The following EIPR1 variants were observed in gnomAD, a reference collection of about 807,000 sequenced individuals.
EIPR1 encodes the protein EARP and GARP complex-interacting protein 1.
EIPR1 carries 25 observed loss-of-function variants against 48.1 expected under a neutral mutation model. That is an observed-to-expected ratio of 0.52 (90% CI 0.38 to 0.73). The LOEUF (loss-of-function observed/expected upper bound fraction) is 0.73, where lower values mean the gene tolerates loss of function less well. EIPR1 is among the 30% of genes least tolerant of loss of function. The probability of loss-of-function intolerance (pLI) is 0.00; values close to 1 mark genes in which losing one functional copy is unlikely to be tolerated. For missense variants in EIPR1, 415 were observed against 506.2 expected (o/e 0.82, Z 1.73); for synonymous variants, 204 against 201.9 (o/e 1.01, Z -0.09).
intron 4 of EIPR1, among the ~76,000 whole-genome samples, chr2:3,219,405 C>A (rs955058862): frequency 1.4e-5 from 2 of 146,542 alleles, no homozygotes; most frequent in African/African-American, 5.1e-5. Context: ...AGAGCTTTCA[C>A]AGTGAGTGAG....
intron 3 of EIPR1, chr2:3,298,415 T>G (rs955456966): frequency 2.0e-5 from 3 of 152,164 alleles, no homozygotes; most frequent in African/African-American, 7.2e-5. Context: ...AGTGTCAGAT[T>G]ACATCTATTG....
At chr2:3,208,738 G>GGT (rs1406934950) in intron 5 of EIPR1, 5 of 1,548,544 alleles carry the variant, frequency 3.2e-6, no homozygotes, top group Non-Finnish European at 4.4e-6. Flanking sequence ...GCTCGTGGCG[G>GGT]GTCCTTCTGT....
chr2:3,250,939 C>T (rs1157510926), intron 4 of EIPR1, among the ~76,000 whole-genome samples: 1 of 151,944 alleles, frequency 6.6e-6, no homozygotes, highest in Admixed American at 6.5e-5. Flanking sequence ...CCAAATAAAC[C>T]TCTTTTTTTT....
At chr2:3,368,180 CCA>C (rs1558323348) in intron 1 of EIPR1, among the ~76,000 whole-genome samples, 1 of 152,192 alleles carries the variant, frequency 6.6e-6, no homozygotes, top group East Asian at 1.9e-4. Context: ...AGCCAAAAGC[CCA>C]CAGTCTCTTT....
chr2:3,226,763 G>C (rs181033969), intron 4 of EIPR1, among the ~76,000 whole-genome samples: 2 of 152,206 alleles, frequency 1.3e-5, no homozygotes, highest in Non-Finnish European at 2.9e-5. Context: ...GTTGGAGGAG[G>C]GGCCTGGTGG....
intron 3 of EIPR1, among the ~76,000 whole-genome samples, chr2:3,331,180 T>TAG (rs1553302169): frequency 6.7e-5 from 6 of 89,586 alleles, no homozygotes; most frequent in East Asian, 1.5e-3. Flanking sequence ...GAGGCAGGTG[T>TAG]ACACTCATAT....
chr2:3,291,520 T>C (rs565935535), intron 3 of EIPR1, among the ~76,000 whole-genome samples: 1 of 152,328 alleles, frequency 6.6e-6, no homozygotes, highest in Non-Finnish European at 1.5e-5. Flanking sequence ...AATTATATCA[T>C]AAAAACGTCA....
At chr2:3,206,897 C>T (rs981364220) in intron 5 of EIPR1, among the ~76,000 whole-genome samples, 3 of 152,168 alleles carry the variant, frequency 2.0e-5, no homozygotes, top group Non-Finnish European at 4.4e-5. Flanking sequence ...GCAGAAAACA[C>T]TGGGAGCAGC....
intron 1 of EIPR1, among the ~76,000 whole-genome samples, chr2:3,371,049 A>T (rs1415766315): frequency 6.6e-6 from 1 of 152,188 alleles, no homozygotes; most frequent in Non-Finnish European, 1.5e-5. Context: ...CTCGGCAGAA[A>T]CTCTACAAGC....
chr2:3,277,681 G>A (rs62121491), intron 3 of EIPR1, among the ~76,000 whole-genome samples: 40,771 of 152,204 alleles, frequency 0.27, 6,686 homozygotes, highest in Non-Finnish European at 0.38. Context: ...TAAGGAGCCC[G>A]GGGCATGAGT....
At chr2:3,237,381 G>GGA (rs1366073865) in intron 4 of EIPR1, among the ~76,000 whole-genome samples, 2 of 152,116 alleles carry the variant, frequency 1.3e-5, no homozygotes, top group East Asian at 1.9e-4. Flanking sequence ...TGGGAGACAA[G>GGA]GAGAGAGAGA....
intron 1 of EIPR1, among the ~76,000 whole-genome samples, chr2:3,375,540 T>G (rs766444790): frequency 1.3e-5 from 2 of 152,150 alleles, no homozygotes; most frequent in Non-Finnish European, 2.9e-5. Flanking sequence ...CATCTTCAGG[T>G]AGTACAAGAT....
intron 3 of EIPR1, among the ~76,000 whole-genome samples, chr2:3,258,474 A>T (rs571968568): frequency 5.5e-4 from 82 of 150,220 alleles, no homozygotes; most frequent in African/African-American, 1.9e-3. Context: ...AGTGAAGAAC[A>T]TAAAAATATT....
rs748243568 is a variant in EIPR1 at position 3,287,976 on chromosome 2, A to G, written c.260-30521T>C. Among the ~76,000 whole-genome samples the G allele has an allele frequency of 1.2e-3, 182 of 152,198 alleles. 3 individuals carry two copies. Among genetic ancestry groups the G allele is most frequent in the Non-Finnish European group, 2.9e-4 (20 of 68,048 alleles). Reference sequence around the variant, plus strand: ...GAGTAAGGAGTAGGCTGCCTGCACTAAGGGGTAATTGCCATGAGAGCTCCT... The same window carrying G: ...GAGTAAGGAGTAGGCTGCCTGCACTGAGGGGTAATTGCCATGAGAGCTCCT... On this transcript the variant is annotated intron_variant, in intron 3 of 8. Coordinates refer to ENST00000382125, the MANE Select transcript of EIPR1 (RefSeq NM_003310.5).
chr2:3,338,640 G>A (rs1017859809), intron 2 of EIPR1, among the ~76,000 whole-genome samples: 1 of 152,178 alleles, frequency 6.6e-6, no homozygotes, highest in Admixed American at 6.5e-5. Flanking sequence ...TCATACTTCA[G>A]ACATGATTAA....
chr2:3,225,258 G>A (rs1387801222), intron 4 of EIPR1, among the ~76,000 whole-genome samples: 2 of 151,168 alleles, frequency 1.3e-5, no homozygotes, highest in South Asian at 2.1e-4. Context: ...GTGTGTGTGT[G>A]TGTGTATGAC....
chr2:3,344,392 AAC>A (rs1321191891), intron 2 of EIPR1, among the ~76,000 whole-genome samples: 2 of 152,310 alleles, frequency 1.3e-5, no homozygotes, highest in African/African-American at 2.4e-5. Context: ...TGACTCTGAA[AAC>A]ACAGTTTCTA....
At chr2:3,209,106 A>G (rs773484692) in intron 5 of EIPR1, 286 of 1,372,096 alleles carry the variant, frequency 2.1e-4, no homozygotes, top group Non-Finnish European at 2.6e-4. Context: ...CTCACTAAGC[A>G]CAACGAAAGC....
intron 4 of EIPR1, among the ~76,000 whole-genome samples, chr2:3,237,137 G>A (rs1666430234): frequency 6.6e-6 from 1 of 151,610 alleles, no homozygotes; most frequent in Non-Finnish European, 1.5e-5. Context: ...GGGAGGGCGA[G>A]GAGAACTGTC....
Sources: allele counts gnomAD v4.1 joint callset (sites outside exome capture counted in the v4.1 genomes callset), GRCh38; gene constraint gnomAD v4.1.1; transcripts MANE v1.5; gene names NCBI Gene and HGNC (gene_info 2026-07-23, HGNC 2026-07-21).